CPT1A: variants seen among roughly 807,000 people sequenced by gnomAD.
CPT1A encodes carnitine palmitoyltransferase 1A.
CPT1A carries 64 observed loss-of-function variants against 100.8 expected under a neutral mutation model. That is an observed-to-expected ratio of 0.63 (90% CI 0.52 to 0.78). The LOEUF (loss-of-function observed/expected upper bound fraction) is 0.78, where lower values mean the gene tolerates loss of function less well. Among genes scored for constraint, CPT1A ranks in the 30% least tolerant of loss-of-function variants. The probability of loss-of-function intolerance (pLI) is 0.00; values close to 1 mark genes in which losing one functional copy is unlikely to be tolerated. For synonymous variants in CPT1A, 363 were observed against 396.0 expected, an observed-to-expected ratio of 0.92 and a Z score of 0.99; for missense variants, 802 against 1,034.1, an observed-to-expected ratio of 0.78 and a Z score of 3.08.
intron 1 of CPT1A, among the ~76,000 whole-genome samples, chr11:68,816,379 C>G (rs978836598): frequency 6.6e-6 from 1 of 152,206 alleles, no homozygotes; most frequent in African/African-American, 2.4e-5. Flanking sequence ...TCCTTGGAGG[C>G]AGCGGCTGAA....
chr11:68,763,463 G>C (rs779696301), intron 14 of CPT1A, among the ~76,000 whole-genome samples: 1 of 152,050 alleles, frequency 6.6e-6, no homozygotes, highest in African/African-American at 2.4e-5. Flanking sequence ...ATTCCACTGC[G>C]TCTGGAAGAT....
chr11:68,779,157 C>A (rs911423042), intron 12 of CPT1A, among the ~76,000 whole-genome samples: 2 of 152,164 alleles, frequency 1.3e-5, no homozygotes, highest in African/African-American at 4.8e-5. Context: ...GCTCAGCCTG[C>A]AGCTGGGCCC....
chr11:68,822,237 A>T (rs1026783351), intron 1 of CPT1A, among the ~76,000 whole-genome samples: 1 of 152,104 alleles, frequency 6.6e-6, no homozygotes, highest in Non-Finnish European at 1.5e-5. Flanking sequence ...AATAAAAAAA[A>T]AAATAAAAAT....
At chr11:68,795,357 A>G (rs1855727863) in intron 7 of CPT1A, among the ~76,000 whole-genome samples, 4 of 152,248 alleles carry the variant, frequency 2.6e-5, no homozygotes, top group Admixed American at 2.6e-4. Context: ...GCCAAGGAAC[A>G]CAGGTCTAAC....
intron 9 of CPT1A, among the ~76,000 whole-genome samples, chr11:68,792,672 C>T (rs955422379): frequency 6.6e-6 from 1 of 152,250 alleles, no homozygotes; most frequent in Non-Finnish European, 1.5e-5. Context: ...ACAAATCCAC[C>T]TTTCCGAGCA....
intron 3 of CPT1A, among the ~76,000 whole-genome samples, chr11:68,810,057 A>G (rs762209395): frequency 1.3e-5 from 2 of 152,218 alleles, no homozygotes; most frequent in South Asian, 2.1e-4. Context: ...ATGTGCCTGC[A>G]GTCCCAGGTA....
At chr11:68,783,295 C>T (rs559845711) in intron 10 of CPT1A, among the ~76,000 whole-genome samples, 1 of 150,462 alleles carries the variant, frequency 6.6e-6, no homozygotes, top group African/African-American at 2.4e-5. Flanking sequence ...CCCCACCCTA[C>T]ACCACCTGAA....
At position 68,760,357 on chromosome 11, in the gene CPT1A, A is replaced by G; in HGVS notation, c.2029-19T>C. The stretch of plus-strand genomic sequence containing the variant: ...ATAAAACCTATTGAGTGAAACAGGG[A>G]AATGTTTCCTAATCCCCTCCTCTAC... On this transcript the variant is annotated intron_variant, in intron 16 of 18. Coordinates refer to ENST00000265641, the MANE Select transcript of CPT1A (RefSeq NM_001876.4). 6.4e-7 allele frequency: 1 copy of G among 1,570,632 alleles called. No individual in the cohort carries two copies. The highest frequency in any genetic ancestry group is 1.1e-5 in the South Asian group (1 of 88,276).
intron 1 of CPT1A, among the ~76,000 whole-genome samples, chr11:68,829,016 C>T (rs754143560): frequency 6.6e-5 from 10 of 152,156 alleles, no homozygotes; most frequent in Non-Finnish European, 1.3e-4. Context: ...CTTCCAAGCA[C>T]GTCTTCACCC....
chr11:68,796,847 T>G lies in CPT1A; in HGVS notation c.771+9A>C, dbSNP rs1594347348. ...CTCGTCAGACAGCAGCCCGGGCGGG[T>G]GGACTCACCATGGCATAATAGTTGC... On this transcript the variant is annotated intron_variant, in intron 7 of 18. Coordinates refer to ENST00000265641, the MANE Select transcript of CPT1A (RefSeq NM_001876.4). 1 of 1,613,224 alleles carries G rather than the reference T, an allele frequency of 6.2e-7. No homozygotes were observed. The highest frequency in any genetic ancestry group is 1.1e-5 in the South Asian group (1 of 90,952).
chr11:68,839,961 T>C (rs1448013637), intron 1 of CPT1A, among the ~76,000 whole-genome samples: 1 of 152,258 alleles, frequency 6.6e-6, no homozygotes, highest in Non-Finnish European at 1.5e-5. Flanking sequence ...TGCCAACTTC[T>C]GCCACTTTGA....
rs577759855 is a variant in CPT1A, at chr11:68,796,752, G to T, written c.771+104C>A. ...AGAGAGGAGCATGAGCCAATCCCCA[G>T]AGTTTTCCCAGGCCGTCCACAGGCC... On this transcript the variant is annotated intron_variant, in intron 7 of 18. Coordinates refer to ENST00000265641, the MANE Select transcript of CPT1A (RefSeq NM_001876.4). The T allele has an allele frequency of 1.9e-5, 21 of 1,114,070 alleles. No individual in the cohort carries two copies. The African/African-American group carries it at 2.8e-4, about 15-fold the overall frequency. 69.0% of individuals were successfully genotyped at this position (1,114,070 alleles called of 1,614,324 possible). A position where few individuals can be genotyped will look rare whatever the true frequency, so the allele number is the denominator to read the frequency against.
chr11:68,807,636 T>G lies in CPT1A; in HGVS notation c.284A>C (p.Asn95Thr). ...GTTCTTCGTCTGGCTGGACATGCAG[T>G]TGCTGTGGAGACAGACCCAGACAAG... ...AKINRTLETA[N>T]CMSSQTKNVV... Residue 95 changes from asparagine (N) to threonine (T), a missense_variant and splice_region_variant, in exon 4 of 19, where the codon AAC becomes ACC. Around this residue, in one of 4 missense-constraint regions of CPT1A, gnomAD observed 161 missense variants for 183.7 expected, o/e 0.88. Coordinates refer to ENST00000265641, the MANE Select transcript of CPT1A (RefSeq NM_001876.4). 3 of 1,614,008 alleles carry G rather than the reference T, an allele frequency of 1.9e-6. No individual in the cohort carries two copies. The highest frequency in any genetic ancestry group is 2.5e-6 in the Non-Finnish European group (3 of 1,180,032).
intron 8 of CPT1A, 103 bp downstream of exon 8, chr11:68,794,701 G>C: frequency 9.6e-7 from 1 of 1,038,866 alleles, no homozygotes; most frequent in Non-Finnish European, 1.5e-6. Context: ...GTGAGACCCT[G>C]TGCCCGGCCA....
chr11:68,835,142 T>G (rs1225379038), intron 1 of CPT1A, among the ~76,000 whole-genome samples: 1 of 152,174 alleles, frequency 6.6e-6, no homozygotes, highest in Non-Finnish European at 1.5e-5. Context: ...ATAAAGAAGA[T>G]AGCCAACGTA....
intron 5 of CPT1A, among the ~76,000 whole-genome samples, chr11:68,803,362 A>G (rs1855956021): frequency 6.6e-6 from 1 of 152,150 alleles, no homozygotes; most frequent in Non-Finnish European, 1.5e-5. Flanking sequence ...GGGAGGGAAG[A>G]ATGGGGAATG....
intron 3 of CPT1A, among the ~76,000 whole-genome samples, chr11:68,808,564 G>A (rs1416004083): frequency 6.6e-6 from 1 of 151,630 alleles, no homozygotes; most frequent in East Asian, 2.0e-4. Flanking sequence ...TAGAGATGGG[G>A]TCTTGCCATG....
intron 9 of CPT1A, among the ~76,000 whole-genome samples, chr11:68,787,163 G>A (rs1855485669): frequency 1.3e-5 from 2 of 152,052 alleles, no homozygotes; most frequent in African/African-American, 4.8e-5. Context: ...GTGGCTGGGT[G>A]CAGTGACTCA....
chr11:68,811,342 G>A (rs770138041), intron 3 of CPT1A, among the ~76,000 whole-genome samples: 3 of 152,130 alleles, frequency 2.0e-5, no homozygotes, highest in African/African-American at 4.8e-5. Flanking sequence ...CACAGAAATC[G>A]AATCAAACGT....
Sources: allele counts gnomAD v4.1 joint callset (sites outside exome capture counted in the v4.1 genomes callset), GRCh38; gene constraint gnomAD v4.1.1; regional missense constraint gnomAD v4.1.1; transcripts MANE v1.5; gene names NCBI Gene and HGNC (gene_info 2026-07-23, HGNC 2026-07-21).